Variants in SIRT5 observed in about 807,000 individuals in gnomAD.
SIRT5 encodes the protein NAD-dependent protein deacylase sirtuin-5, mitochondrial.
SIRT5 carries 26 observed loss-of-function variants against 40.0 expected under a neutral mutation model. The ratio of observed to expected loss-of-function variants is 0.65; its 90% CI spans 0.48 to 0.90. The LOEUF (loss-of-function observed/expected upper bound fraction) is 0.90. Among genes scored for constraint, SIRT5 ranks in the 40% least tolerant of loss-of-function variants. The pLI, the probability that SIRT5 is intolerant of heterozygous loss-of-function variation, is 0.00. For synonymous variants in SIRT5, 146 were observed against 149.1 expected, an observed-to-expected ratio of 0.98 and a Z score of 0.15; for missense variants, 401 against 402.4, an observed-to-expected ratio of 1.00 and a Z score of 0.03.
chr6:13,595,458 CTTCAT>C lies in SIRT5; in HGVS notation c.476-18_476-14del. 1 of 1,591,290 alleles carries C rather than the reference CTTCAT, an allele frequency of 6.3e-7. No individual in the cohort carries two copies. On this transcript the variant is annotated splice_polypyrimidine_tract_variant and intron_variant, in intron 5 of 9. Coordinates refer to ENST00000606117, the MANE Select transcript of SIRT5 (RefSeq NM_012241.5). Reference sequence around the variant, plus strand: ...TTGATTATACTAAATTCTGGATTTGCTTCATATGTATTTTTCAGGTAGCTTATTTA... The same window carrying C: ...TTGATTATACTAAATTCTGGATTTGCATGTATTTTTCAGGTAGCTTATTTA...
Position 13,599,153 on chromosome 6 carries a change from G to C in SIRT5, c.739G>C (p.Val247Leu), listed in dbSNP as rs775647658. The change falls in exon 8 of 10, where the codon GTG becomes CTG. Residue 247 changes from valine to leucine, a missense_variant and splice_region_variant. By Grantham distance (32) the Val-to-Leu change is conservative (BLOSUM62 1). Transcript: ENST00000606117. ...GCTCGCCCACTGTGATTTATGTCTAGTGGTGGGTCATGCCCTTCCCTAACC... is the reference window on the plus strand; with the variant it reads ...GCTCGCCCACTGTGATTTATGTCTACTGGTGGGTCATGCCCTTCCCTAACC... ...RELAHCDLCL[V>L]VGTSSVVYPA... 6.2e-7 allele frequency: 1 copy of C among 1,613,720 alleles called. No homozygotes were observed. The highest frequency in any genetic ancestry group is 1.1e-5 in the South Asian group (1 of 90,978).
intron 9 of SIRT5, among the ~76,000 whole-genome samples, chr6:13,602,960 A>G (rs1007531360): frequency 6.6e-6 from 1 of 152,200 alleles, no homozygotes; most frequent in African/African-American, 2.4e-5. Context: ...CTGTATTCCA[A>G]TGGGTACCAT....
At chr6:13,582,409 A>C (rs1759463645) in intron 2 of SIRT5, among the ~76,000 whole-genome samples, 1 of 152,192 alleles carries the variant, frequency 6.6e-6, no homozygotes, top group African/African-American at 2.4e-5. Flanking sequence ...GGTACAGTTC[A>C]GTCTATTCGC....
At chr6:13,585,511 C>T (rs187533762) in intron 3 of SIRT5, among the ~76,000 whole-genome samples, 21 of 151,822 alleles carry the variant, frequency 1.4e-4, no homozygotes, top group African/African-American at 4.4e-4. Flanking sequence ...TCTGTCCTTG[C>T]GATAGTTTTC....
chr6:13,596,025 T>C (rs1584804525), intron 6 of SIRT5, among the ~76,000 whole-genome samples: 1 of 151,968 alleles, frequency 6.6e-6, no homozygotes, highest in South Asian at 2.1e-4. Flanking sequence ...AAACTAAATA[T>C]AGCCATGTGA....
chr6:13,601,471 C>T (rs915829508), intron 9 of SIRT5, among the ~76,000 whole-genome samples: 1 of 152,146 alleles, frequency 6.6e-6, no homozygotes, highest in African/African-American at 2.4e-5. Context: ...AGTCTTATTC[C>T]TGGGTCTGTT....
At chr6:13,611,222 TATATATATATATATACACAC>T (rs1239743500) in intron 9 of SIRT5, among the ~76,000 whole-genome samples, 21 of 129,710 alleles carry the variant, frequency 1.6e-4, no homozygotes, top group African/African-American at 1.9e-4. Flanking sequence ...TATATATATA[TATATATATATATATACACAC>T]ACACATACAC....
chr6:13,595,809 C>CA (rs1485372055), intron 6 of SIRT5, among the ~76,000 whole-genome samples: 2 of 151,864 alleles, frequency 1.3e-5, no homozygotes, highest in African/African-American at 4.8e-5. Flanking sequence ...ACCTGTCCTA[C>CA]AAAAAAACAA....
At chr6:13,596,683 T>A (rs151189328) in intron 6 of SIRT5, among the ~76,000 whole-genome samples, 299 of 152,238 alleles carry the variant, frequency 2.0e-3, no homozygotes, top group African/African-American at 6.8e-3. Context: ...AATGCAGTCT[T>A]ACTGTATTGC....
intron 9 of SIRT5, among the ~76,000 whole-genome samples, chr6:13,611,475 A>G (rs1763918573): frequency 6.6e-6 from 1 of 152,054 alleles, no homozygotes; most frequent in African/African-American, 2.4e-5. Flanking sequence ...CAGGATTTGA[A>G]AAAAACAAAC....
intron 3 of SIRT5, 126 bp downstream of exon 3, chr6:13,584,351 A>G (rs2804918): frequency 0.59 from 393,964 of 666,492 alleles, 120,203 homozygotes; most frequent in Admixed American, 0.71. Context: ...CCACTCTGTC[A>G]TCTTCTCTTT....
chr6:13,611,257 A>C (rs1311905638), intron 9 of SIRT5, among the ~76,000 whole-genome samples: 2 of 147,114 alleles, frequency 1.4e-5, no homozygotes, highest in Admixed American at 6.8e-5. Context: ...ATACACACAC[A>C]CATATATATA....
At chr6:13,610,758 A>T (rs1301546218) in intron 9 of SIRT5, among the ~76,000 whole-genome samples, 4 of 152,196 alleles carry the variant, frequency 2.6e-5, no homozygotes, top group Non-Finnish European at 4.4e-5. Context: ...AGCACGTGGC[A>T]GGGGGCAGAC....
At chr6:13,588,608 T>A in intron 4 of SIRT5, 144 bp downstream of exon 4, 1 of 1,104,224 alleles carries the variant, frequency 9.1e-7, no homozygotes. Context: ...GATTTTGGCA[T>A]AAACACAAAG....
chr6:13,583,267 CTTCTTTTTTTTCTTCTTTGTTCTT>C (rs1389964879), intron 2 of SIRT5, among the ~76,000 whole-genome samples: 2 of 136,220 alleles, frequency 1.5e-5, no homozygotes, highest in Non-Finnish European at 3.1e-5. Context: ...GTTTTCATAC[CTTCTTTTTTTTCTTCTTTGTTCTT>C]TTTTTTTTTT....
At position 13,588,375 on chromosome 6, in the gene SIRT5, GTCA is replaced by G. The variant is rs781470091; in HGVS notation, c.166_168del (p.Ile56del). ...GTTTTTTGCAAAAGCAAAGCACATA[GTCA>G]TCATCTCAGGAGCTGGTGTTAGTGC... On this transcript the variant is annotated inframe_deletion, in exon 4 of 10. Transcript: ENST00000606117. 3.0e-5 allele frequency: 49 copies of G among 1,614,180 alleles called. No individual in the cohort carries two copies. The highest frequency in any genetic ancestry group is 3.9e-5 in the Non-Finnish European group (46 of 1,180,034).
At chr6:13,589,794 G>T (rs1229444084) in intron 4 of SIRT5, among the ~76,000 whole-genome samples, 3 of 152,222 alleles carry the variant, frequency 2.0e-5, no homozygotes, top group East Asian at 3.9e-4. Flanking sequence ...CAGAGGGTGG[G>T]AGGTCAGAGG....
At chr6:13,589,603 C>T (rs1205186588) in intron 4 of SIRT5, 2 of 152,276 alleles carry the variant, frequency 1.3e-5, no homozygotes, top group Non-Finnish European at 2.9e-5. Flanking sequence ...GAAGCTGCCC[C>T]TTCCTTCTTC....
At chr6:13,610,929 T>G (rs1012816397) in intron 9 of SIRT5, among the ~76,000 whole-genome samples, 4 of 152,308 alleles carry the variant, frequency 2.6e-5, no homozygotes, top group African/African-American at 9.6e-5. Context: ...TTAATTGTGC[T>G]CAACTGGTTT....
Sources: gnomAD v4.1 joint callset for allele counts (sites outside exome capture counted in the v4.1 genomes callset) on GRCh38, gnomAD v4.1.1 for gene constraint, MANE v1.5 for transcripts, NCBI Gene and HGNC (gene_info 2026-07-23, HGNC 2026-07-21) for gene names.